ELAPOR2: variants seen among roughly 807,000 people sequenced by gnomAD.
ELAPOR2 encodes endosome/lysosome-associated apoptosis and autophagy regulator family member 2.
In ELAPOR2, 89 loss-of-function variants were observed where a neutral mutation model predicts 120.7. That is an observed-to-expected ratio of 0.74 (90% CI 0.62 to 0.88). The LOEUF (loss-of-function observed/expected upper bound fraction) is 0.88. Among genes scored for constraint, ELAPOR2 ranks in the 40% least tolerant of loss-of-function variants. The probability of loss-of-function intolerance (pLI) is 0.00; values close to 1 mark genes in which losing one functional copy is unlikely to be tolerated. For missense variants in ELAPOR2, 1,134 were observed against 1,251.6 expected, an observed-to-expected ratio of 0.91 and a Z score of 1.42; for synonymous variants, 444 against 444.9, an observed-to-expected ratio of 1.00 and a Z score of 0.03.
chr7:86,969,366 C>A (rs1199333954), intron 1 of ELAPOR2, among the ~76,000 whole-genome samples: 5 of 151,894 alleles, frequency 3.3e-5, no homozygotes, highest in Non-Finnish European at 5.9e-5. Context: ...GATAATTTTT[C>A]AAATAAAATA....
chr7:86,932,339 C>A (rs1790363794), intron 8 of ELAPOR2, among the ~76,000 whole-genome samples: 1 of 151,902 alleles, frequency 6.6e-6, no homozygotes, highest in African/African-American at 2.4e-5. Flanking sequence ...GCCTCCTCCC[C>A]TCTCCATTCC....
intron 1 of ELAPOR2, among the ~76,000 whole-genome samples, chr7:86,986,306 G>A (rs1792733952): frequency 8.7e-6 from 1 of 115,262 alleles, no homozygotes; most frequent in South Asian, 2.4e-4. Context: ...GCGGGCGCCT[G>A]TAGTCCCAGC....
chr7:86,968,109 C>A (rs903013354), intron 1 of ELAPOR2, among the ~76,000 whole-genome samples: 2 of 151,960 alleles, frequency 1.3e-5, no homozygotes, highest in East Asian at 1.9e-4. Context: ...AGTAAAATTG[C>A]GAAAGGTACG....
intron 18 of ELAPOR2, among the ~76,000 whole-genome samples, chr7:86,898,353 G>A (rs1788543836): frequency 6.6e-6 from 1 of 152,098 alleles, no homozygotes; most frequent in African/African-American, 2.4e-5. Context: ...GTGGACTAGG[G>A]CATAGGGGAC....
chr7:87,025,475 T>C (rs1244597803), intron 1 of ELAPOR2, among the ~76,000 whole-genome samples: 1 of 151,740 alleles, frequency 6.6e-6, no homozygotes, highest in African/African-American at 2.4e-5. Context: ...GAAGATGGAG[T>C]CCAGCAGAAA....
chr7:86,959,659 C>A lies in ELAPOR2; in HGVS notation c.310+5245G>T, dbSNP rs73196635. On this transcript the variant is annotated intron_variant, in intron 2 of 21. Coordinates refer to ENST00000450689, the MANE Select transcript of ELAPOR2 (RefSeq NM_001142749.3). Reference sequence around the variant, plus strand: ...GCATATGTTAACTCATTCTTGAATCCCAGTGATAAATCCCACTTGGTCATG... The same window carrying A: ...GCATATGTTAACTCATTCTTGAATCACAGTGATAAATCCCACTTGGTCATG... Among the ~76,000 whole-genome samples the A allele has an allele frequency of 3.2e-3, 484 of 152,190 alleles. 13 individuals are homozygous for A. The highest frequency in any genetic ancestry group is 4.4e-3 in the Non-Finnish European group (302 of 68,008).
chr7:87,019,564 G>C (rs2116694252), intron 1 of ELAPOR2, among the ~76,000 whole-genome samples: 1 of 152,224 alleles, frequency 6.6e-6, no homozygotes, highest in African/African-American at 2.4e-5. Flanking sequence ...ACAGTATCTG[G>C]TAATGTTTTA....
chr7:86,891,646 C>A (rs531468846), intron 21 of ELAPOR2, 78 bp downstream of exon 21: 2 of 1,212,378 alleles, frequency 1.6e-6, no homozygotes, highest in East Asian at 2.5e-5. Context: ...TAACAGCTTG[C>A]GTGAATGCTA....
intron 1 of ELAPOR2, among the ~76,000 whole-genome samples, chr7:86,998,026 A>G (rs1302708180): frequency 3.3e-5 from 5 of 152,218 alleles, no homozygotes; most frequent in Admixed American, 3.3e-4. Flanking sequence ...GTAGACAAAT[A>G]AAAGATTAAA....
chr7:86,985,027 C>T (rs1271968791), intron 1 of ELAPOR2, among the ~76,000 whole-genome samples: 1 of 152,116 alleles, frequency 6.6e-6, no homozygotes, highest in East Asian at 1.9e-4. Flanking sequence ...CACAGAAATA[C>T]AAACTATAAT....
At position 86,877,936 on chromosome 7, in the gene ELAPOR2, G is replaced by A. The variant is rs1235721141; in HGVS notation, c.*2535C>T. The A allele has an allele frequency of 6.6e-6, 1 of 152,126 alleles. No individual in the cohort carries two copies. Among genetic ancestry groups the A allele is most frequent in the East Asian group, 1.9e-4 (1 of 5,194 alleles). 9.4% of individuals were successfully genotyped at this position (152,126 alleles called of 1,614,324 possible). A position where few individuals can be genotyped will look rare whatever the true frequency, so the allele number is the denominator to read the frequency against. ...GTGAACACATATCAAAATGCTCAATGTTGTTAAATGACATAATATAATTTA... is the reference window on the plus strand; with the variant it reads ...GTGAACACATATCAAAATGCTCAATATTGTTAAATGACATAATATAATTTA... On this transcript the variant is annotated 3_prime_UTR_variant, in exon 22 of 22. Transcript: ENST00000450689.
chr7:86,911,609 G>C (rs906160716), intron 15 of ELAPOR2: 4 of 456,034 alleles, frequency 8.8e-6, no homozygotes, highest in Non-Finnish European at 1.8e-5. Flanking sequence ...CCATTTGTAT[G>C]ATTTAAGCCT....
At chr7:86,977,478 G>GT (rs1175996593) in intron 1 of ELAPOR2, among the ~76,000 whole-genome samples, 9 of 152,070 alleles carry the variant, frequency 5.9e-5, no homozygotes, top group Admixed American at 2.6e-4. Context: ...ATCTCTCCCC[G>GT]TATCTCTCAA....
chr7:87,040,282 G>T (rs962651244), intron 1 of ELAPOR2, among the ~76,000 whole-genome samples: 8 of 152,380 alleles, frequency 5.3e-5, no homozygotes, highest in African/African-American at 1.9e-4. Flanking sequence ...GCTCAAGGAG[G>T]CCTGCCTGCC....
In ELAPOR2 at chr7:86,880,240, G is replaced by A; in HGVS notation, c.*231C>T. The A allele has an allele frequency of 1.8e-6, 1 of 553,992 alleles. No individual in the cohort carries two copies. The allele number at this position is 553,992 out of a possible 1,614,324, so 34.3% of individuals were successfully genotyped here. A position where few individuals can be genotyped will look rare whatever the true frequency, so the allele number is the denominator to read the frequency against. On this transcript the variant is annotated 3_prime_UTR_variant, in exon 22 of 22. Coordinates refer to ENST00000450689, the MANE Select transcript of ELAPOR2 (RefSeq NM_001142749.3). ...ATACAGATAAATCTCTTCCTGAGTT[G>A]AGCTTCATCTTCAGTTGAGACCCAA...
At chr7:87,039,792 C>A (rs1468235519) in intron 1 of ELAPOR2, among the ~76,000 whole-genome samples, 1 of 152,168 alleles carries the variant, frequency 6.6e-6, no homozygotes, top group Non-Finnish European at 1.5e-5. Context: ...AGGAACAGCT[C>A]TGGTCTACAG....
chr7:86,892,765 G>T (rs988434949), intron 20 of ELAPOR2, among the ~76,000 whole-genome samples, 157 bp downstream of exon 20: 7 of 151,820 alleles, frequency 4.6e-5, no homozygotes, highest in African/African-American at 1.7e-4. Flanking sequence ...CGTTTCCTCT[G>T]CTTGCTTTCT....
Position 86,880,470 on chromosome 7 carries a change from TTCATA to T in ELAPOR2, c.3086_3090del (p.Ile1029LysfsTer17), listed in dbSNP as rs1178313330. 2 of 1,605,724 alleles carry T rather than the reference TTCATA, an allele frequency of 1.2e-6. No homozygotes were observed. The highest frequency in any genetic ancestry group is 1.7e-6 in the Non-Finnish European group (2 of 1,172,646). On this transcript the variant is annotated frameshift_variant and stop_lost, in exon 22 of 22. Coordinates refer to ENST00000450689, the MANE Select transcript of ELAPOR2 (RefSeq NM_001142749.3). LOFTEE classifies it high-confidence loss of function. ...AGTCTCAAGGCTACAGCACTGTCTCTTCATATATTTGGGGATCTTGAGGTTTTCAG... is the reference window on the plus strand; with the variant it reads ...AGTCTCAAGGCTACAGCACTGTCTCTTATTTGGGGATCTTGAGGTTTTCAG...
At position 86,912,174 on chromosome 7, in the gene ELAPOR2, A is replaced by G. The variant is rs1423002446; in HGVS notation, c.2067T>C (p.Phe689=). The change falls in exon 15 of 22, where the codon TTT becomes TTC. Residue 689 remains phenylalanine (F), a synonymous_variant. Transcript: ENST00000450689. Reference sequence around the variant, plus strand: ...ATGAGCCCACACTGCTGAGGTTGCTAAAGTCATAGTGCAAACTCTGATTTT... The same window carrying G: ...ATGAGCCCACACTGCTGAGGTTGCTGAAGTCATAGTGCAAACTCTGATTTT... ...EKENQSLHYD[F]SNLSSVGSLM... 32 of 1,612,348 alleles carry G rather than the reference A, an allele frequency of 2.0e-5. No homozygotes were observed. The highest frequency in any genetic ancestry group is 2.7e-5 in the Non-Finnish European group (32 of 1,178,524).
Sources: allele counts gnomAD v4.1 joint callset (sites outside exome capture counted in the v4.1 genomes callset), GRCh38; gene constraint gnomAD v4.1.1; transcripts MANE v1.5; gene names NCBI Gene and HGNC (gene_info 2026-07-23, HGNC 2026-07-21).